The following TNFRSF8 variants were observed in gnomAD, a reference collection of about 807,000 sequenced individuals.
The protein encoded by TNFRSF8 is TNF receptor superfamily member 8.
A neutral mutation model predicts 70.8 loss-of-function variants in TNFRSF8; 26 were observed. That is an observed-to-expected ratio of 0.37 (90% confidence interval 0.27 to 0.51). The LOEUF (loss-of-function observed/expected upper bound fraction) is 0.51, where lower values mean the gene tolerates loss of function less well. Ranked by LOEUF, TNFRSF8 falls within the 20% of genes least tolerant of loss-of-function variation. The pLI is 0.94. For missense variants in TNFRSF8, 720 were observed against 807.9 expected (o/e 0.89, Z 1.32); for synonymous variants, 356 against 339.2 (o/e 1.05, Z -0.54).
chr1:12,100,820 G>A (rs144143118), intron 3 of TNFRSF8, among the ~76,000 whole-genome samples: 6 of 152,266 alleles, frequency 3.9e-5, no homozygotes, highest in African/African-American at 1.4e-4. Flanking sequence ...AGCCGGGCAC[G>A]TTGGCATGCG....
chr1:12,123,609 G>A, intron 9 of TNFRSF8, 106 bp from the exon 10 acceptor site: 1 of 1,079,300 alleles, frequency 9.3e-7, no homozygotes, highest in Non-Finnish European at 1.3e-6. Context: ...GAGGATCTAG[G>A]GGCCCAGGCT....
rs183911342 is a variant in TNFRSF8, at chr1:12,108,669, C to T, written c.422-897C>T. On this transcript the variant is annotated intron_variant, in intron 4 of 14. Transcript: ENST00000263932. This position sits in a 1 kb window ranked among gnomAD's most constrained non-coding sequence, Gnocchi z 4.0. ...AACCCTGTCTCTACTAAAAATTAGC[C>T]GGGCGTGGTTGCAGGCACCTGTAAT... is the stretch of plus-strand genomic sequence containing the variant. 1.6e-4 allele frequency among the ~76,000 whole-genome samples: 25 copies of T among 152,150 alleles called. No homozygotes were observed. Among genetic ancestry groups the T allele is most frequent in the East Asian group, 9.7e-4 (5 of 5,160 alleles).
Position 12,115,610 on chromosome 1 carries a change from A to T in TNFRSF8, c.827A>T (p.Asn276Ile). Residue 276 changes from asparagine (N) to isoleucine (I), a missense_variant, in exon 8 of 15, where the codon AAC (asparagine) becomes ATC (isoleucine). Coordinates refer to ENST00000263932, the MANE Select transcript of TNFRSF8 (RefSeq NM_001243.5). ...GTGGAGAAGACGCCATGTGCATGGAACTCCTCCCGCACCTGCGAATGTCGA... is the reference window on the plus strand; with the variant it reads ...GTGGAGAAGACGCCATGTGCATGGATCTCCTCCCGCACCTGCGAATGTCGA... ...DLVEKTPCAW[N>I]SSRTCECRPG... is the part of the protein sequence containing the mutation. The T allele has an allele frequency of 6.2e-7, 1 of 1,613,624 alleles. No homozygotes were observed. The highest frequency in any genetic ancestry group is 8.5e-7 in the Non-Finnish European group (1 of 1,179,892).
intron 1 of TNFRSF8, among the ~76,000 whole-genome samples, chr1:12,069,170 C>CTTTTT (rs57009728): frequency 3.7e-5 from 2 of 53,580 alleles, no homozygotes; most frequent in African/African-American, 8.3e-5. Flanking sequence ...TGCACCCGGC[C>CTTTTT]TTTTTTTTTT....
chr1:12,112,068 C>T lies in TNFRSF8; in HGVS notation c.793+54C>T, dbSNP rs11569886. 1.6e-3 allele frequency: 2,169 copies of T among 1,365,922 alleles called. 33 individuals carry two copies. In the African/African-American group the frequency reaches 0.028, roughly 17 times the overall value. 84.6% of individuals were successfully genotyped at this position (1,365,922 alleles called of 1,614,324 possible). A position where few individuals can be genotyped will look rare whatever the true frequency, so the allele number is the denominator to read the frequency against. On this transcript the variant is annotated intron_variant, in intron 7 of 14. Transcript: ENST00000263932. The surrounding 1 kb of genome is among the most constrained non-coding windows in gnomAD (Gnocchi z 5.3). Reference sequence around the variant, plus strand: ...AGTTTACCTCTCTGCATTTTTGAACCGTGAACTTCCAGTAACTACTCCCCC... The same window carrying T: ...AGTTTACCTCTCTGCATTTTTGAACTGTGAACTTCCAGTAACTACTCCCCC...
chr1:12,122,362 T>A (rs1048237789), intron 8 of TNFRSF8, among the ~76,000 whole-genome samples: 1 of 151,782 alleles, frequency 6.6e-6, no homozygotes, highest in African/African-American at 2.4e-5. Flanking sequence ...AAATGTTGCC[T>A]TAGGCTGGGC....
chr1:12,111,047 T>C (rs1237107735), intron 6 of TNFRSF8, among the ~76,000 whole-genome samples: 1 of 152,240 alleles, frequency 6.6e-6, no homozygotes, highest in Non-Finnish European at 1.5e-5. Context: ...CTTTCCTTTC[T>C]CTTGGGTTGG....
intron 13 of TNFRSF8, among the ~76,000 whole-genome samples, chr1:12,136,114 T>C (rs553514950): frequency 4.6e-5 from 7 of 152,170 alleles, no homozygotes; most frequent in Non-Finnish European, 7.4e-5. Flanking sequence ...TTACTTTCTT[T>C]TAATTCAAGC....
rs199941905 is a variant in TNFRSF8 at position 12,108,074 on chromosome 1, A to ATTTTT, written c.422-1489_422-1485dup. Among the ~76,000 whole-genome samples, 12 of 146,122 alleles carry ATTTTT rather than the reference A, an allele frequency of 8.2e-5. 1 individual carries two copies. The highest frequency in any genetic ancestry group is 1.5e-4 in the Non-Finnish European group (10 of 66,442). ...CGAAGTCCCACACATACAGGCCACC[A>ATTTTT]TTTTTTTATTTTTTTTTTTTTTGTG... is the stretch of plus-strand genomic sequence containing the variant. On this transcript the variant is annotated intron_variant, in intron 4 of 14. Coordinates refer to ENST00000263932, the MANE Select transcript of TNFRSF8 (RefSeq NM_001243.5). This position sits in a 1 kb window ranked among gnomAD's most constrained non-coding sequence, Gnocchi z 4.0.
At chr1:12,069,162 C>A (rs1640793674) in intron 1 of TNFRSF8, among the ~76,000 whole-genome samples, 1 of 141,672 alleles carries the variant, frequency 7.1e-6, no homozygotes, top group Admixed American at 7.5e-5. Context: ...TGAGCCACTG[C>A]ACCCGGCCTT....
At chr1:12,135,190 C>T (rs1642122403) in intron 12 of TNFRSF8, among the ~76,000 whole-genome samples, 1 of 151,866 alleles carries the variant, frequency 6.6e-6, no homozygotes, top group Non-Finnish European at 1.5e-5. Flanking sequence ...GTGGCACGAG[C>T]CTATAATCCC....
intron 2 of TNFRSF8, among the ~76,000 whole-genome samples, chr1:12,092,192 T>A (rs1641258141): frequency 1.3e-5 from 2 of 152,218 alleles, no homozygotes; most frequent in Non-Finnish European, 2.9e-5. Flanking sequence ...TATTGTATTG[T>A]TTCAGAGACA....
At position 12,112,084 on chromosome 1, in the gene TNFRSF8, C is replaced by T. The variant is rs1162634638; in HGVS notation, c.793+70C>T. On this transcript the variant is annotated intron_variant, in intron 7 of 14. Coordinates refer to ENST00000263932, the MANE Select transcript of TNFRSF8 (RefSeq NM_001243.5). This position sits in a 1 kb window ranked among gnomAD's most constrained non-coding sequence, Gnocchi z 5.3. ...TTTTTGAACCGTGAACTTCCAGTAA[C>T]TACTCCCCCTTATGTTTGTGGGTTT... 1.8e-6 allele frequency: 2 copies of T among 1,129,590 alleles called. No individual in the cohort carries two copies. Among genetic ancestry groups the T allele is most frequent in the East Asian group, 4.8e-5 (2 of 41,942 alleles). The allele number at this position is 1,129,590 out of a possible 1,614,324, so 70.0% of individuals were successfully genotyped here. A position where few individuals can be genotyped will look rare whatever the true frequency, so the allele number is the denominator to read the frequency against.
chr1:12,078,640 C>T lies in TNFRSF8; in HGVS notation c.64-5824C>T, dbSNP rs1001089787. On this transcript the variant is annotated intron_variant, in intron 1 of 14. Coordinates refer to ENST00000263932, the MANE Select transcript of TNFRSF8 (RefSeq NM_001243.5). ...GATCTCAGAGCCCTGAACTACAGCA[C>T]CCCCCCACCCCAGGCAGCAGAAGCT... Among the ~76,000 whole-genome samples the T allele has an allele frequency of 6.6e-5, 10 of 152,110 alleles. No individual in the cohort carries two copies. In the East Asian group the frequency reaches 1.9e-3, roughly 29 times the overall value.
intron 1 of TNFRSF8, among the ~76,000 whole-genome samples, chr1:12,073,018 A>C (rs577653959): frequency 1.6e-4 from 24 of 152,328 alleles, no homozygotes; most frequent in African/African-American, 4.1e-4. Context: ...CTGGGCGCCA[A>C]GGCTCACGCC....
At chr1:12,095,189 A>G (rs1641310976) in intron 2 of TNFRSF8, among the ~76,000 whole-genome samples, 1 of 152,130 alleles carries the variant, frequency 6.6e-6, no homozygotes, top group Non-Finnish European at 1.5e-5. Context: ...GTAGCTGCAG[A>G]TGTTGTGAAA....
At chr1:12,079,652 A>T (rs1339780043) in intron 1 of TNFRSF8, among the ~76,000 whole-genome samples, 3 of 152,138 alleles carry the variant, frequency 2.0e-5, no homozygotes, top group Non-Finnish European at 2.9e-5. Flanking sequence ...TCAGCTCCAC[A>T]TGGAAAATGG....
intron 1 of TNFRSF8, among the ~76,000 whole-genome samples, chr1:12,068,583 C>T (rs751150817): frequency 1.1e-4 from 17 of 152,194 alleles, no homozygotes; most frequent in Non-Finnish European, 2.1e-4. Flanking sequence ...TGGGCATTCT[C>T]GTGGCCTTGC....
intron 6 of TNFRSF8, 54 bp from the exon 7 acceptor site, chr1:12,111,844 G>A: frequency 6.7e-7 from 1 of 1,485,792 alleles, no homozygotes; most frequent in Non-Finnish European, 9.4e-7. Context: ...TGGGTGGGGA[G>A]TGAGGCCTTT....
Sources: allele counts gnomAD v4.1 joint callset (sites outside exome capture counted in the v4.1 genomes callset), GRCh38; gene constraint gnomAD v4.1.1; non-coding constraint Gnocchi (gnomAD v3.1); transcripts MANE v1.5; gene names NCBI Gene and HGNC (gene_info 2026-07-23, HGNC 2026-07-21).